Variants in MCC observed in about 807,000 individuals in gnomAD.
The protein encoded by MCC is MCC regulator of Wnt signaling pathway, also known as colorectal mutant cancer protein.
Under a neutral mutation model 116.2 loss-of-function variants are expected in MCC, and 90 were observed. That is an observed-to-expected ratio of 0.77 (90% confidence interval 0.65 to 0.92). MCC has a LOEUF of 0.92. Ranked by LOEUF, MCC falls within the 40% of genes least tolerant of loss-of-function variation. The probability of loss-of-function intolerance (pLI) is 0.00; values close to 1 mark genes in which losing one functional copy is unlikely to be tolerated. For synonymous variants in MCC, 578 were observed against 510.5 expected, an observed-to-expected ratio of 1.13 and a Z score of -1.78; for missense variants, 1,516 against 1,312.2, an observed-to-expected ratio of 1.16 and a Z score of -2.40.
intron 2 of MCC, among the ~76,000 whole-genome samples, chr5:113,381,794 A>G (rs1448982385): frequency 6.6e-6 from 1 of 152,138 alleles, no homozygotes; most frequent in Non-Finnish European, 1.5e-5. Flanking sequence ...ACTCAAATAA[A>G]TAAATAAATA....
At chr5:113,223,813 T>C (rs2150330547) in intron 3 of MCC, among the ~76,000 whole-genome samples, 1 of 152,202 alleles carries the variant, frequency 6.6e-6, no homozygotes, top group Non-Finnish European at 1.5e-5. Flanking sequence ...TGGCTAGAGA[T>C]TTGACATTTA....
At chr5:113,254,100 G>T (rs1232998548) in intron 3 of MCC, among the ~76,000 whole-genome samples, 1 of 152,168 alleles carries the variant, frequency 6.6e-6, no homozygotes, top group African/African-American at 2.4e-5. Flanking sequence ...TGAGAAAACA[G>T]AGTCTCCAAA....
At chr5:113,092,834 A>G (rs1755730935) in intron 8 of MCC, among the ~76,000 whole-genome samples, 1 of 152,232 alleles carries the variant, frequency 6.6e-6, no homozygotes, top group African/African-American at 2.4e-5. Context: ...TCTGAGACTC[A>G]GCAGTTTCAC....
chr5:113,359,156 A>G (rs1253567637), intron 2 of MCC, among the ~76,000 whole-genome samples: 1 of 152,140 alleles, frequency 6.6e-6, no homozygotes. Flanking sequence ...TAGAACATAT[A>G]TATGTTACAC....
chr5:113,196,947 T>A (rs555149138), intron 3 of MCC, among the ~76,000 whole-genome samples: 1 of 152,174 alleles, frequency 6.6e-6, no homozygotes, highest in South Asian at 2.1e-4. Context: ...GAACAATTAA[T>A]TAAGGGTGCC....
intron 3 of MCC, among the ~76,000 whole-genome samples, chr5:113,320,272 A>T (rs926338244): frequency 1.3e-5 from 2 of 151,954 alleles, no homozygotes; most frequent in African/African-American, 4.8e-5. Flanking sequence ...ACACACACAC[A>T]CAATTAGTTG....
chr5:113,359,870 A>G (rs1344888277), intron 2 of MCC, among the ~76,000 whole-genome samples: 1 of 152,200 alleles, frequency 6.6e-6, no homozygotes, highest in Non-Finnish European at 1.5e-5. Flanking sequence ...TCCATGGTCC[A>G]TATGAGTTTA....
intron 8 of MCC, among the ~76,000 whole-genome samples, chr5:113,085,982 GC>G (rs1755176359): frequency 6.6e-6 from 1 of 152,218 alleles, no homozygotes; most frequent in African/African-American, 2.4e-5. Flanking sequence ...GAGCCACTGT[GC>G]CAAGCCACTG....
At chr5:113,354,207 G>A (rs1768352202) in intron 2 of MCC, among the ~76,000 whole-genome samples, 1 of 152,052 alleles carries the variant, frequency 6.6e-6, no homozygotes, top group Non-Finnish European at 1.5e-5. Context: ...TCTGACACTG[G>A]CAATTGAATG....
At chr5:113,246,103 A>G (rs1441751267) in intron 3 of MCC, among the ~76,000 whole-genome samples, 2 of 152,242 alleles carry the variant, frequency 1.3e-5, no homozygotes, top group African/African-American at 4.8e-5. Flanking sequence ...TTAGTTATAA[A>G]AGATGGCTTA....
rs150126413 is a variant in MCC, at chr5:113,261,721, T to C, written c.627+78798A>G. Among the ~76,000 whole-genome samples the C allele has an allele frequency of 1.3e-3, 201 of 152,282 alleles. 6 individuals carry two copies. The East Asian group carries it at 0.02, about 15-fold the overall frequency. Reference sequence around the variant, plus strand: ...ACATCCTATTTGACTACAATCAACATGGAAGAAATGAAACCCAGTCTTTTG... The same window carrying C: ...ACATCCTATTTGACTACAATCAACACGGAAGAAATGAAACCCAGTCTTTTG... On this transcript the variant is annotated intron_variant, in intron 3 of 18. Transcript: ENST00000408903.
intron 3 of MCC, among the ~76,000 whole-genome samples, chr5:113,270,678 G>A (rs1765577961): frequency 6.8e-6 from 1 of 147,166 alleles, no homozygotes; most frequent in Non-Finnish European, 1.5e-5. Context: ...ACTAGATGAA[G>A]CAAAGAATAA....
chr5:113,483,182 A>G (rs960445510), intron 1 of MCC, among the ~76,000 whole-genome samples: 3 of 152,180 alleles, frequency 2.0e-5, no homozygotes, highest in African/African-American at 7.2e-5. Context: ...GCTTTGGAGC[A>G]AGTTTTGAAA....
chr5:113,390,609 T>C (rs1159921573), intron 1 of MCC, among the ~76,000 whole-genome samples: 1 of 152,212 alleles, frequency 6.6e-6, no homozygotes, highest in Middle Eastern at 3.2e-3. Context: ...GAAAATTCAG[T>C]AAAACTATTT....
At chr5:113,113,315 C>T (rs1757206659) in intron 6 of MCC, among the ~76,000 whole-genome samples, 1 of 152,198 alleles carries the variant, frequency 6.6e-6, no homozygotes, top group Non-Finnish European at 1.5e-5. Context: ...TTCCTCTGTA[C>T]TCTGCATACA....
chr5:113,481,822 G>GT (rs1041166815), intron 1 of MCC, among the ~76,000 whole-genome samples: 2 of 152,076 alleles, frequency 1.3e-5, no homozygotes, highest in Admixed American at 6.6e-5. Flanking sequence ...TTCACCCACT[G>GT]TTTTTTACTA....
intron 3 of MCC, among the ~76,000 whole-genome samples, chr5:113,244,968 T>C (rs1764515422): frequency 6.6e-6 from 1 of 152,188 alleles, no homozygotes; most frequent in South Asian, 2.1e-4. Flanking sequence ...TGATTAGCCA[T>C]TGTGGGTTAA....
In MCC at chr5:113,182,379, G is replaced by A. The variant is rs560029706; in HGVS notation, c.628-30957C>T. On this transcript the variant is annotated intron_variant, in intron 3 of 18. Coordinates refer to ENST00000408903, the MANE Select transcript of MCC (RefSeq NM_001085377.2). ...TCAGACCACACTAACAAGATGGTAA[G>A]TGACTCACTCAAAACACACATATTG... is the stretch of plus-strand genomic sequence containing the variant. 3.9e-5 allele frequency among the ~76,000 whole-genome samples: 6 copies of A among 152,324 alleles called. 1 individual carries two copies. The South Asian group carries it at 1.2e-3, about 32-fold the overall frequency.
intron 1 of MCC, among the ~76,000 whole-genome samples, chr5:113,428,194 T>C (rs1334470238): frequency 6.6e-6 from 1 of 152,170 alleles, no homozygotes; most frequent in Non-Finnish European, 1.5e-5. Context: ...CTTCAACCTC[T>C]AGTACAAGGA....
Sources: gnomAD v4.1 joint callset for allele counts (sites outside exome capture counted in the v4.1 genomes callset) on GRCh38, gnomAD v4.1.1 for gene constraint, MANE v1.5 for transcripts, NCBI Gene and HGNC (gene_info 2026-07-23, HGNC 2026-07-21) for gene names.